The following CRB1 variants were observed in gnomAD, a reference collection of about 807,000 sequenced individuals.
CRB1 encodes the protein crumbs cell polarity complex component 1.
In CRB1, 83 loss-of-function variants were observed where a neutral mutation model predicts 120.0. The observed-to-expected ratio is 0.69, with a 90% CI of 0.58 to 0.83. The LOEUF (loss-of-function observed/expected upper bound fraction) is 0.83. CRB1 is among the 40% of genes least tolerant of loss of function. The pLI is 0.00. For synonymous variants in CRB1, 625 were observed against 612.5 expected, an observed-to-expected ratio of 1.02 and a Z score of -0.30; for missense variants, 1,699 against 1,687.6, an observed-to-expected ratio of 1.01 and a Z score of -0.12.
chr1:197,335,465 G>A (rs1235430732), intron 2 of CRB1, among the ~76,000 whole-genome samples: 1 of 152,082 alleles, frequency 6.6e-6, no homozygotes, highest in East Asian at 1.9e-4. Flanking sequence ...GGAGAGAAGA[G>A]TGAAAGAGAC....
chr1:197,351,623 A>G (rs1254279058), intron 4 of CRB1, among the ~76,000 whole-genome samples: 6 of 152,202 alleles, frequency 3.9e-5, no homozygotes, highest in African/African-American at 1.4e-4. Flanking sequence ...ATGATCAAAG[A>G]AAATAACACT....
intron 2 of CRB1, among the ~76,000 whole-genome samples, chr1:197,333,188 A>C (rs554786394): frequency 2.0e-5 from 3 of 152,364 alleles, no homozygotes; most frequent in Admixed American, 6.5e-5. Context: ...GCTGTAGCAC[A>C]TAGAGAGGGT....
intron 9 of CRB1, among the ~76,000 whole-genome samples, chr1:197,436,890 A>AT (rs1038051315): frequency 2.0e-5 from 3 of 151,964 alleles, no homozygotes; most frequent in Non-Finnish European, 2.9e-5. Context: ...ATATGCAGTG[A>AT]TTTTTTTTGC....
chr1:197,208,863 G>C, the CRB1 span, among the ~76,000 whole-genome samples: 1 of 152,126 alleles, frequency 6.6e-6, no homozygotes, highest in Non-Finnish European at 1.5e-5. Context: ...GGTAGGGTTA[G>C]GTGCGTCTGA....
intron 1 of CRB1, among the ~76,000 whole-genome samples, chr1:197,285,443 TG>T (rs1447409727): frequency 4.6e-5 from 7 of 151,832 alleles, no homozygotes; most frequent in African/African-American, 1.7e-4. Context: ...GTTAGAAGAA[TG>T]TCAAATTCTC....
In CRB1 at chr1:197,347,615, T is replaced by C; in HGVS notation, c.988+136T>C. On this transcript the variant is annotated intron_variant, in intron 4 of 11. Coordinates refer to ENST00000367400, the MANE Select transcript of CRB1 (RefSeq NM_201253.3). ...TCTTCTAGCTAATATTGTTTAGTTT[T>C]ATTCTTCAGTGCTCACACATATTTA... 4.2e-6 allele frequency: 4 copies of C among 943,678 alleles called. No individual in the cohort carries two copies. The South Asian group carries it at 6.5e-5, about 15-fold the overall frequency. 58.5% of individuals were successfully genotyped at this position (943,678 alleles called of 1,614,324 possible).
the CRB1 span, among the ~76,000 whole-genome samples, chr1:197,252,241 A>G: frequency 2.0e-5 from 3 of 151,790 alleles, no homozygotes; most frequent in African/African-American, 7.3e-5. Flanking sequence ...AATTTTATAT[A>G]ATTTTTGCAT....
chr1:197,437,316 G>T lies in CRB1; in HGVS notation c.3750-1231G>T, dbSNP rs148231684. The stretch of plus-strand genomic sequence containing the variant: ...TACTGTTCTGAGCCTGTGAAAGCAA[G>T]GCACTGTTGTAGGTGCTAAGTGTTC... On this transcript the variant is annotated intron_variant, in intron 9 of 11. Transcript: ENST00000367400. 7.1e-4 allele frequency among the ~76,000 whole-genome samples: 108 copies of T among 152,180 alleles called. No individual in the cohort carries two copies. The East Asian group carries it at 0.02, about 28-fold the overall frequency.
the CRB1 span, among the ~76,000 whole-genome samples, chr1:197,253,187 C>T: frequency 6.6e-6 from 1 of 152,068 alleles, no homozygotes; most frequent in African/African-American, 2.4e-5. Context: ...TCTCTCTCAG[C>T]ATTCCTTAGT....
intron 11 of CRB1, among the ~76,000 whole-genome samples, chr1:197,455,861 C>T (rs1666259604): frequency 6.6e-6 from 1 of 151,970 alleles, no homozygotes; most frequent in South Asian, 2.1e-4. Context: ...TACTGAAACA[C>T]AGGTTTGTTT....
intron 11 of CRB1, among the ~76,000 whole-genome samples, chr1:197,465,070 ATTACCC>A (rs1666695195): frequency 3.9e-5 from 6 of 152,330 alleles, no homozygotes; most frequent in Admixed American, 2.0e-4. Flanking sequence ...GAATATCATA[ATTACCC>A]TATGTACTGT....
intron 2 of CRB1, among the ~76,000 whole-genome samples, chr1:197,342,570 A>T (rs1367025652): frequency 3.3e-5 from 5 of 152,066 alleles, no homozygotes; most frequent in Admixed American, 2.0e-4. Context: ...TGATTTTTTT[A>T]AATGGTATTT....
At chr1:197,258,533 T>C in the CRB1 span, among the ~76,000 whole-genome samples, 1 of 152,176 alleles carries the variant, frequency 6.6e-6, no homozygotes, top group East Asian at 1.9e-4. Flanking sequence ...ATCAAATTGG[T>C]CCTTATCAGA....
chr1:197,435,857 G>C (rs1195863254), intron 9 of CRB1, among the ~76,000 whole-genome samples: 1 of 152,114 alleles, frequency 6.6e-6, no homozygotes, highest in East Asian at 1.9e-4. Context: ...TCATCTGTGT[G>C]AAAATATGTC....
chr1:197,220,797 G>A, the CRB1 span, among the ~76,000 whole-genome samples: 1 of 151,994 alleles, frequency 6.6e-6, no homozygotes, highest in Non-Finnish European at 1.5e-5. Flanking sequence ...AAAGTGTTTG[G>A]CACCTTCCCC....
At position 197,283,488 on chromosome 1, in the gene CRB1, T is replaced by C. The variant is rs753434440; in HGVS notation, c.70+15006T>C. 1.1e-4 allele frequency among the ~76,000 whole-genome samples: 17 copies of C among 151,840 alleles called. 1 individual carries two copies. Among genetic ancestry groups the C allele is most frequent in the Non-Finnish European group, 1.9e-4 (13 of 67,880 alleles). ...GCTCCCACTTATGAGTGAGAACATATGATGTTTGGTTTTCCATTCCTGAGT... is the reference window on the plus strand; with the variant it reads ...GCTCCCACTTATGAGTGAGAACATACGATGTTTGGTTTTCCATTCCTGAGT... On this transcript the variant is annotated intron_variant, in intron 1 of 11. Coordinates refer to ENST00000367400, the MANE Select transcript of CRB1 (RefSeq NM_201253.3).
At chr1:197,291,383 T>G (rs901844902) in intron 1 of CRB1, among the ~76,000 whole-genome samples, 2 of 151,856 alleles carry the variant, frequency 1.3e-5, no homozygotes, top group African/African-American at 2.4e-5. Flanking sequence ...ATTGGGAAAT[T>G]TAATATTTCA....
intron 5 of CRB1, among the ~76,000 whole-genome samples, chr1:197,379,582 G>A (rs1444773227): frequency 7.8e-6 from 1 of 127,554 alleles, no homozygotes; most frequent in African/African-American, 3.1e-5. Flanking sequence ...TTACAGGCGT[G>A]AGCCACCAAG....
rs150742802 is a variant in CRB1, at chr1:197,373,723, T to C, written c.1171+16710T>C. ...ATCTTCAGGATTGGTTTCCAAAAAG[T>C]CTATTCCATATCTCAATGATGCCAG... On this transcript the variant is annotated intron_variant, in intron 5 of 11. Transcript: ENST00000367400. Among the ~76,000 whole-genome samples the C allele has an allele frequency of 7.2e-4, 109 of 152,226 alleles. No individual in the cohort carries two copies. In the East Asian group the frequency reaches 0.02, roughly 28 times the overall value.
Sources: allele counts gnomAD v4.1 joint callset (sites outside exome capture counted in the v4.1 genomes callset), GRCh38; gene constraint gnomAD v4.1.1; transcripts MANE v1.5; gene names NCBI Gene and HGNC (gene_info 2026-07-23, HGNC 2026-07-21).